SPPL2B: variants seen among roughly 807,000 people sequenced by gnomAD.
The protein encoded by SPPL2B is signal peptide peptidase-like 2B.
A neutral mutation model predicts 59.7 loss-of-function variants in SPPL2B; 39 were observed. That is an observed-to-expected ratio of 0.65 (90% CI 0.51 to 0.85). SPPL2B has a LOEUF of 0.85. SPPL2B is among the 40% of genes least tolerant of loss of function. The probability of loss-of-function intolerance (pLI) is 0.00; values close to 1 mark genes in which losing one functional copy is unlikely to be tolerated. For synonymous variants in SPPL2B, 419 were observed against 370.8 expected (o/e 1.13, Z -1.49); for missense variants, 865 against 849.0 (o/e 1.02, Z -0.23).
Position 2,351,555 on chromosome 19 carries a change from C to A in SPPL2B, c.1476C>A (p.Arg492=). 1 of 1,611,442 alleles carries A rather than the reference C, an allele frequency of 6.2e-7. No homozygotes were observed. Among genetic ancestry groups the A allele is most frequent in the Non-Finnish European group, 8.5e-7 (1 of 1,179,346 alleles). ...LVTSCAVALW[R]RELGVFWTGS... is the part of the protein sequence containing the mutation. Reference sequence around the variant, plus strand: ...CGAGCTGCGCTGTGGCGCTCTGGCGCCGGGAGCTGGGCGTGTTCTGGACGG... The same window carrying A: ...CGAGCTGCGCTGTGGCGCTCTGGCGACGGGAGCTGGGCGTGTTCTGGACGG... The change falls in exon 14 of 15, where the codon CGC becomes CGA. Residue 492 remains arginine, a synonymous_variant. Transcript: ENST00000613503.
chr19:2,328,713 G>C lies in SPPL2B; in HGVS notation c.4G>C (p.Ala2Pro). The C allele has an allele frequency of 6.9e-7, 1 of 1,445,138 alleles. No individual in the cohort carries two copies. The highest frequency in any genetic ancestry group is 9.0e-7 in the Non-Finnish European group (1 of 1,108,288). The allele number at this position is 1,445,138 out of a possible 1,614,324, so 89.5% of individuals were successfully genotyped here. MAAAVAAALARL... is the reference protein window; with the variant it reads MPAAVAAALARL... ...GTTGCGGCGGGCACCGGCCGACATGGCGGCAGCGGTGGCGGCTGCGCTGGC... is the reference window on the plus strand; with the variant it reads ...GTTGCGGCGGGCACCGGCCGACATGCCGGCAGCGGTGGCGGCTGCGCTGGC... The change falls in exon 1 of 15, where the codon GCG (alanine) becomes CCG (proline). Residue 2 changes from alanine (A) to proline (P), a missense_variant. By Grantham distance (27) the Ala-to-Pro change is conservative (BLOSUM62 -1). Coordinates refer to ENST00000613503, the MANE Select transcript of SPPL2B (RefSeq NM_152988.3).
chr19:2,336,178 T>TGG (rs938488223), intron 2 of SPPL2B, among the ~76,000 whole-genome samples: 2 of 152,226 alleles, frequency 1.3e-5, no homozygotes, highest in Admixed American at 1.3e-4. Context: ...AATAGGTGTG[T>TGG]GGGGGCATGT....
intron 13 of SPPL2B, among the ~76,000 whole-genome samples, chr19:2,350,110 C>T (rs1229832122): frequency 6.7e-6 from 1 of 149,964 alleles, no homozygotes; most frequent in Non-Finnish European, 1.5e-5. Flanking sequence ...TCTCCACACA[C>T]ACTCGCGCTC....
chr19:2,329,688 A>G lies in SPPL2B; in HGVS notation c.66+913A>G, dbSNP rs928402355. ...TCTCCACTCCTCCAGCCCCACCGCTATCCCTCTGCTGTGGCTGCCTTTGTC... is the reference window on the plus strand; with the variant it reads ...TCTCCACTCCTCCAGCCCCACCGCTGTCCCTCTGCTGTGGCTGCCTTTGTC... On this transcript the variant is annotated intron_variant, in intron 1 of 14. Coordinates refer to ENST00000613503, the MANE Select transcript of SPPL2B (RefSeq NM_152988.3). Among the ~76,000 whole-genome samples the G allele has an allele frequency of 2.6e-5, 4 of 152,258 alleles. No individual in the cohort carries two copies. The South Asian group carries it at 8.3e-4, about 32-fold the overall frequency.
At chr19:2,341,637 C>T in intron 8 of SPPL2B, 2 of 455,762 alleles carry the variant, frequency 4.4e-6, no homozygotes, top group South Asian at 1.5e-5. Flanking sequence ...TCCCAGCCTT[C>T]CTGAGGCAGC....
intron 8 of SPPL2B, 84 bp downstream of exon 8, chr19:2,341,098 CCCTGGAGGCCGCCCCAG>C: frequency 5.7e-6 from 2 of 350,024 alleles, no homozygotes; most frequent in Non-Finnish European, 1.1e-5. Context: ...TCCCTGCCCT[CCCTGGAGGCCGCCCCAG>C]CCTGGAGCTG....
At chr19:2,348,833 C>T (rs1969677902) in intron 13 of SPPL2B, among the ~76,000 whole-genome samples, 1 of 130,682 alleles carries the variant, frequency 7.7e-6, no homozygotes, top group Non-Finnish European at 1.6e-5. Context: ...CGCTTGATTC[C>T]ATTCTCTCCC....
chr19:2,345,262 T>C lies in SPPL2B; in HGVS notation c.1286T>C (p.Val429Ala). 1.2e-6 allele frequency: 2 copies of C among 1,612,230 alleles called. No homozygotes were observed. Among genetic ancestry groups the C allele is most frequent in the Non-Finnish European group, 1.7e-6 (2 of 1,179,360 alleles). The change falls in exon 13 of 15, where the codon GTG (valine) becomes GCG (alanine). Residue 429 changes from valine (V) to alanine (A), a missense_variant. By Grantham distance (64) the Val-to-Ala change is moderately conservative (BLOSUM62 0). Transcript: ENST00000613503. ...CCTGTGCCTCCCCCAGGGCTGCTGG[T>C]GGCCTACTGCCACAGGTTTGACATC... ...FGDILVPGLL[V>A]AYCHRFDIQV...
Position 2,328,781 on chromosome 19 carries a change from C to G in SPPL2B, c.66+6C>G. Reference sequence around the variant, plus strand: ...TTCTGCTCCTCGCGGCCCAGGTGAGCGCGGCACCGGTCCCGACGGCACCGC... The same window carrying G: ...TTCTGCTCCTCGCGGCCCAGGTGAGGGCGGCACCGGTCCCGACGGCACCGC... On this transcript the variant is annotated splice_donor_region_variant and intron_variant, in intron 1 of 14. Coordinates refer to ENST00000613503, the MANE Select transcript of SPPL2B (RefSeq NM_152988.3). The G allele has an allele frequency of 2.1e-6, 3 of 1,423,424 alleles. No homozygotes were observed. Among genetic ancestry groups the G allele is most frequent in the Non-Finnish European group, 2.7e-6 (3 of 1,095,960 alleles). The allele number at this position is 1,423,424 out of a possible 1,614,324, so 88.2% of individuals were successfully genotyped here.
chr19:2,334,874 C>T (rs1968474077), intron 2 of SPPL2B, among the ~76,000 whole-genome samples, 153 bp downstream of exon 2: 1 of 152,212 alleles, frequency 6.6e-6, no homozygotes, highest in Admixed American at 6.5e-5. Flanking sequence ...CCCAGTTCCC[C>T]TGGGCCTCCC....
chr19:2,343,703 G>A (rs531509411), intron 9 of SPPL2B, among the ~76,000 whole-genome samples: 4 of 152,164 alleles, frequency 2.6e-5, no homozygotes, highest in Non-Finnish European at 5.9e-5. Flanking sequence ...CCCCAGAGCC[G>A]GCCCTGCGTG....
chr19:2,335,223 A>G (rs1035434526), intron 2 of SPPL2B, among the ~76,000 whole-genome samples: 4 of 105,232 alleles, frequency 3.8e-5, no homozygotes, highest in Non-Finnish European at 7.7e-5. Flanking sequence ...TTTCCACTGC[A>G]TCCTTCAGGC....
chr19:2,350,851 G>T (rs936732057), intron 13 of SPPL2B, among the ~76,000 whole-genome samples: 3 of 152,232 alleles, frequency 2.0e-5, no homozygotes, highest in African/African-American at 7.2e-5. Context: ...GGTGCCAAGG[G>T]TGGCCATGTG....
In SPPL2B at chr19:2,331,226, C is replaced by G. The variant is rs181728643; in HGVS notation, c.66+2451C>G. On this transcript the variant is annotated intron_variant, in intron 1 of 14. Coordinates refer to ENST00000613503, the MANE Select transcript of SPPL2B (RefSeq NM_152988.3). ...GTCTTCCCAGAAGGGAGGCTCTCCC[C>G]GCCTGGACTCACTGGCCTGTTTCAA... 1.7e-3 allele frequency among the ~76,000 whole-genome samples: 259 copies of G among 151,848 alleles called. 4 individuals carry two copies. The highest frequency in any genetic ancestry group is 5.8e-3 in the African/African-American group (242 of 41,552).
chr19:2,346,215 C>T (rs892541127), intron 13 of SPPL2B, among the ~76,000 whole-genome samples: 3 of 152,260 alleles, frequency 2.0e-5, no homozygotes, highest in Admixed American at 6.5e-5. Flanking sequence ...TGCCGAGCCA[C>T]GCCCCCGACC....
chr19:2,352,309 A>G (rs1001868054), intron 14 of SPPL2B, among the ~76,000 whole-genome samples: 1 of 152,130 alleles, frequency 6.6e-6, no homozygotes, highest in African/African-American at 2.4e-5. Flanking sequence ...CCCAGGGAGC[A>G]GCCCTGCGCC....
At position 2,340,907 on chromosome 19, in the gene SPPL2B, C is replaced by G. The variant is rs758971624; in HGVS notation, c.849C>G (p.Asn283Lys). Reference sequence around the variant, plus strand: ...GCCCCGTGCCCCCCAGGATCCCCAACAACAGCCTGCCCTACTTCCACAAGC... The same window carrying G: ...GCCCCGTGCCCCCCAGGATCCCCAAGAACAGCCTGCCCTACTTCCACAAGC... Reference protein sequence around the residue: ...RLPFGKCRIPNNSLPYFHKRP... With the variant: ...RLPFGKCRIPKNSLPYFHKRP... Residue 283 changes from asparagine to lysine, a missense_variant, in exon 8 of 15, where the codon AAC becomes AAG. Physicochemically the swap from Asn to Lys is moderately conservative, Grantham distance 94. Transcript: ENST00000613503. 1 of 1,592,054 alleles carries G rather than the reference C, an allele frequency of 6.3e-7. No individual in the cohort carries two copies. Among genetic ancestry groups the G allele is most frequent in the Admixed American group, 1.7e-5 (1 of 59,042 alleles).
In SPPL2B at chr19:2,340,886, C is replaced by G; in HGVS notation, c.840-12C>G. The G allele has an allele frequency of 6.4e-7, 1 of 1,555,078 alleles. No individual in the cohort carries two copies. The highest frequency in any genetic ancestry group is 2.2e-5 in the East Asian group (1 of 44,626). On this transcript the variant is annotated splice_polypyrimidine_tract_variant and intron_variant, in intron 7 of 14. Transcript: ENST00000613503. ...CTGGTGGGCTTGGCTCTGACTGCCC[C>G]GTGCCCCCCAGGATCCCCAACAACA...
rs779019866 is a variant in SPPL2B, at chr19:2,352,984, C to T, written c.1554C>T (p.Ala518=). The change falls in exon 15 of 15, where the codon GCC becomes GCT. Residue 518 remains alanine, a synonymous_variant. Coordinates refer to ENST00000613503, the MANE Select transcript of SPPL2B (RefSeq NM_152988.3). ...CATCTCCGTGGGCCCCAGCACCAGC[C>T]GACGGCCCGCAGCCTCCCAAAGACT... is the stretch of plus-strand genomic sequence containing the variant. The part of the protein sequence containing the change: ...LPPSPWAPAP[A]DGPQPPKDSA... 1.7e-5 allele frequency: 28 copies of T among 1,612,094 alleles called. No homozygotes were observed. The Admixed American group carries it at 2.5e-4, about 14-fold the overall frequency.
Sources: allele counts gnomAD v4.1 joint callset (sites outside exome capture counted in the v4.1 genomes callset), GRCh38; gene constraint gnomAD v4.1.1; transcripts MANE v1.5; gene names NCBI Gene and HGNC (gene_info 2026-07-23, HGNC 2026-07-21).